Variants in FAF1 observed in about 807,000 individuals in gnomAD.
FAF1 encodes the protein FAS-associated factor 1.
In FAF1, 25 loss-of-function variants were observed where a neutral mutation model predicts 92.5. The ratio of observed to expected loss-of-function variants is 0.27; its 90% CI spans 0.20 to 0.38. FAF1 has a LOEUF of 0.38. FAF1 is among the 10% of genes least tolerant of loss of function. The probability of loss-of-function intolerance (pLI) is 1.00; values close to 1 mark genes in which losing one functional copy is unlikely to be tolerated. For synonymous variants in FAF1, 234 were observed against 273.2 expected (o/e 0.86, Z 1.42); for missense variants, 636 against 793.3 (o/e 0.80, Z 2.38).
At chr1:50,944,573 T>C (rs1008781993) in intron 1 of FAF1, among the ~76,000 whole-genome samples, 3 of 152,146 alleles carry the variant, frequency 2.0e-5, no homozygotes, top group Non-Finnish European at 4.4e-5. Flanking sequence ...CGCAAGAGGG[T>C]CAAGGGAATT....
At chr1:50,640,444 C>T (rs1569650797) in intron 8 of FAF1, among the ~76,000 whole-genome samples, 1 of 152,098 alleles carries the variant, frequency 6.6e-6, no homozygotes, top group East Asian at 1.9e-4. Flanking sequence ...AGGCGCCCAC[C>T]ACCATACCCA....
At chr1:50,767,806 T>C (rs978356982) in intron 4 of FAF1, among the ~76,000 whole-genome samples, 3 of 152,126 alleles carry the variant, frequency 2.0e-5, no homozygotes, top group African/African-American at 7.2e-5. Context: ...GTGTGCTAAA[T>C]ATGGAAAGGA....
chr1:50,583,799 C>A lies in FAF1; in HGVS notation c.968-84G>T. 2 of 715,160 alleles carry A rather than the reference C, an allele frequency of 2.8e-6. No homozygotes were observed. Among genetic ancestry groups the A allele is most frequent in the South Asian group, 2.2e-5 (1 of 45,694 alleles). 44.3% of individuals were successfully genotyped at this position (715,160 alleles called of 1,614,324 possible). On this transcript the variant is annotated intron_variant, in intron 10 of 18. Coordinates refer to ENST00000396153, the MANE Select transcript of FAF1 (RefSeq NM_007051.3). The surrounding 1 kb of genome is among the most constrained non-coding windows in gnomAD (Gnocchi z 4.2). ...ACAAACCACATAACATCTAATCCCA[C>A]ATATAAGAAATATATTCAATCAATA...
chr1:50,756,820 T>G (rs112130452), intron 4 of FAF1, among the ~76,000 whole-genome samples: 1 of 152,074 alleles, frequency 6.6e-6, no homozygotes, highest in South Asian at 2.1e-4. Flanking sequence ...AATCATCAGA[T>G]CTCATGAGAC....
intron 2 of FAF1, among the ~76,000 whole-genome samples, chr1:50,806,403 A>C (rs2124599203): frequency 6.6e-6 from 1 of 152,364 alleles, no homozygotes; most frequent in Non-Finnish European, 1.5e-5. Flanking sequence ...CATACACTGT[A>C]CAAACAACTT....
chr1:50,546,256 C>G (rs560140525), intron 13 of FAF1, among the ~76,000 whole-genome samples: 13 of 152,252 alleles, frequency 8.5e-5, no homozygotes, highest in South Asian at 2.1e-4. Context: ...TCTTTATTAA[C>G]TGATATGGAA....
At chr1:50,828,413 C>T (rs575286456) in intron 2 of FAF1, among the ~76,000 whole-genome samples, 4 of 152,002 alleles carry the variant, frequency 2.6e-5, no homozygotes, top group Non-Finnish European at 5.9e-5. Flanking sequence ...GGACTACAGG[C>T]GCCCGCCACC....
chr1:50,738,987 G>T, intron 5 of FAF1, 33 bp from the exon 6 acceptor site: 1 of 1,225,960 alleles, frequency 8.2e-7, no homozygotes, highest in Non-Finnish European at 1.2e-6. Context: ...AAAAATGAAT[G>T]TTGATGTTGA....
At chr1:50,953,919 T>C (rs1465041278) in intron 1 of FAF1, among the ~76,000 whole-genome samples, 2 of 150,308 alleles carry the variant, frequency 1.3e-5, no homozygotes. Context: ...TCTTAATCTA[T>C]GACCAATGGA....
At chr1:50,594,437 A>G (rs1367476182) in intron 9 of FAF1, among the ~76,000 whole-genome samples, 1 of 152,212 alleles carries the variant, frequency 6.6e-6, no homozygotes, top group Non-Finnish European at 1.5e-5. Flanking sequence ...TAAGAGCTCA[A>G]TAAATATTTC....
intron 1 of FAF1, among the ~76,000 whole-genome samples, chr1:50,955,700 T>C (rs1468741880): frequency 1.3e-5 from 2 of 152,234 alleles, no homozygotes; most frequent in Non-Finnish European, 2.9e-5. Context: ...TGTTTATGGC[T>C]GCATGATTCA....
chr1:50,865,580 T>G (rs1429345271), intron 1 of FAF1, among the ~76,000 whole-genome samples: 9 of 136,524 alleles, frequency 6.6e-5, no homozygotes, highest in Non-Finnish European at 1.3e-4. Flanking sequence ...CAGTAAACTA[T>G]TGCAAGAACA....
chr1:50,959,621 C>CCACACA (rs144699454), intron 1 of FAF1, 146 bp downstream of exon 1: 3 of 507,730 alleles, frequency 5.9e-6, no homozygotes, highest in Non-Finnish European at 1.1e-5. Context: ...CCATAGCTCG[C>CCACACA]CACACACACA....
intron 11 of FAF1, 135 bp from the exon 12 acceptor site, chr1:50,582,834 A>G (rs973601450): frequency 1.7e-6 from 1 of 601,498 alleles, no homozygotes; most frequent in African/African-American, 1.8e-5. Context: ...CATTTCTTTA[A>G]AAGCTTGGAA....
chr1:50,715,003 A>C (rs1169859595), intron 6 of FAF1: 3 of 435,144 alleles, frequency 6.9e-6, no homozygotes, highest in Non-Finnish European at 1.4e-5. Context: ...GTAAAAAAAA[A>C]CCTGTTGCAA....
chr1:50,835,137 G>C (rs79560897), intron 2 of FAF1, among the ~76,000 whole-genome samples: 1 of 152,172 alleles, frequency 6.6e-6, no homozygotes, highest in African/African-American at 2.4e-5. Flanking sequence ...TGGATTATAT[G>C]AAGTGCTTTA....
At chr1:50,862,560 C>T (rs189535715) in intron 1 of FAF1, among the ~76,000 whole-genome samples, 10 of 151,704 alleles carry the variant, frequency 6.6e-5, no homozygotes, top group African/African-American at 9.7e-5. Context: ...TAACATCAAA[C>T]GTAAATGGCC....
chr1:50,775,930 A>G (rs924591076), intron 4 of FAF1, among the ~76,000 whole-genome samples: 14 of 152,292 alleles, frequency 9.2e-5, no homozygotes, highest in African/African-American at 2.6e-4. Flanking sequence ...AGTATATAAC[A>G]TGATTCTCTG....
rs754446068 is a variant in FAF1 at position 50,535,372 on chromosome 1, G to A, written c.1491C>T (p.Asp497=). 44 of 1,601,712 alleles carry A rather than the reference G, an allele frequency of 2.7e-5. No individual in the cohort carries two copies. Among genetic ancestry groups the A allele is most frequent in the Admixed American group, 1.5e-4 (9 of 59,850 alleles). The change falls in exon 15 of 19, where the codon GAC becomes GAT. Residue 497 remains aspartate (D), a synonymous_variant. Coordinates refer to ENST00000396153, the MANE Select transcript of FAF1 (RefSeq NM_007051.3). ...TTAAAGATCTGCATAACCTTACCTC[G>A]TCCTTTATATCTTCCTGTTGTTGGG... ...FTAQQQEDIK[D]EDEREARENV...
Sources: gnomAD v4.1 joint callset for allele counts (sites outside exome capture counted in the v4.1 genomes callset) on GRCh38, gnomAD v4.1.1 for gene constraint, Gnocchi (gnomAD v3.1) non-coding constraint, MANE v1.5 for transcripts, NCBI Gene and HGNC (gene_info 2026-07-23, HGNC 2026-07-21) for gene names.